The following PCDHA13 variants were observed in gnomAD, a reference collection of about 807,000 sequenced individuals.
The protein encoded by PCDHA13 is protocadherin alpha-13.
In PCDHA13, 54 loss-of-function variants were observed where a neutral mutation model predicts 64.8. The ratio of observed to expected loss-of-function variants is 0.83; its 90% CI spans 0.67 to 1.04. The LOEUF (loss-of-function observed/expected upper bound fraction) is 1.04. Among genes scored for constraint, PCDHA13 ranks in the 50% least tolerant of loss-of-function variants. PCDHA13 has a pLI of 0.00. For missense variants in PCDHA13, 1,248 were observed against 1,254.3 expected, an observed-to-expected ratio of 0.99 and a Z score of 0.08; for synonymous variants, 587 against 564.4, an observed-to-expected ratio of 1.04 and a Z score of -0.57.
chr5:140,912,222 C>G (rs782160814), intron 1 of PCDHA13, among the ~76,000 whole-genome samples: 2 of 151,926 alleles, frequency 1.3e-5, no homozygotes, highest in Non-Finnish European at 2.9e-5. Flanking sequence ...CTGCCTTTCC[C>G]AGTCCACTGA....
At chr5:140,897,458 G>T (rs191522392) in intron 1 of PCDHA13, among the ~76,000 whole-genome samples, 1 of 151,310 alleles carries the variant, frequency 6.6e-6, no homozygotes, top group African/African-American at 2.4e-5. Flanking sequence ...TTGTCCTTGC[G>T]ATAGTTTACT....
chr5:140,910,580 C>T (rs1384259049), intron 1 of PCDHA13, among the ~76,000 whole-genome samples: 1 of 152,162 alleles, frequency 6.6e-6, no homozygotes, highest in Non-Finnish European at 1.5e-5. Flanking sequence ...CTGGATCCTC[C>T]CAGCTGGGAT....
chr5:140,884,559 C>G lies in PCDHA13; in HGVS notation c.2291C>G (p.Pro764Arg). The change falls in exon 1 of 4, where the codon CCG (proline) becomes CGG (arginine). Residue 764 changes from proline to arginine, a missense_variant. Transcript: ENST00000289272. Reference protein sequence around the residue: ...RRPRVCSGEGPHKTDLMAFSP... With the variant: ...RRPRVCSGEGRHKTDLMAFSP... ...CCGAGGGTGTGCTCTGGGGAGGGCC[C>G]GCATAAGACGGACCTCATGGCCTTC... The G allele has an allele frequency of 1.2e-6, 2 of 1,614,094 alleles. No individual in the cohort carries two copies. The highest frequency in any genetic ancestry group is 1.7e-5 in the Admixed American group (1 of 59,984).
intron 1 of PCDHA13, chr5:140,928,017 C>T (rs782665827): frequency 1.2e-6 from 2 of 1,614,064 alleles, no homozygotes; most frequent in East Asian, 4.5e-5. Flanking sequence ...ATGGTAGGGT[C>T]ATTTGTGGCA....
chr5:140,922,158 A>G (rs1318778340), intron 1 of PCDHA13, among the ~76,000 whole-genome samples: 1 of 149,104 alleles, frequency 6.7e-6, no homozygotes, highest in South Asian at 2.2e-4. Flanking sequence ...CATCAAAAAC[A>G]ACAAAAAGTA....
chr5:140,917,585 T>C (rs1204000344), intron 1 of PCDHA13, among the ~76,000 whole-genome samples: 1 of 152,244 alleles, frequency 6.6e-6, no homozygotes, highest in Non-Finnish European at 1.5e-5. Context: ...TTTTTGTTCA[T>C]GCTGAAAGGA....
intron 1 of PCDHA13, among the ~76,000 whole-genome samples, chr5:140,977,021 A>G (rs1249097233): frequency 1.3e-5 from 2 of 152,190 alleles, no homozygotes; most frequent in East Asian, 3.8e-4. Context: ...ATTCTGTCAA[A>G]TGAATCTAAG....
intron 1 of PCDHA13, among the ~76,000 whole-genome samples, chr5:140,940,004 A>AT (rs1326829458): frequency 2.6e-5 from 4 of 152,120 alleles, no homozygotes; most frequent in Admixed American, 1.3e-4. Context: ...GATTTTGTCA[A>AT]TTTTTTGTGT....
At chr5:140,909,866 A>G (rs1203006388) in intron 1 of PCDHA13, among the ~76,000 whole-genome samples, 2 of 152,212 alleles carry the variant, frequency 1.3e-5, no homozygotes, top group African/African-American at 2.4e-5. Context: ...CCTGGAGTCA[A>G]CGTCAGCTTA....
At chr5:140,896,871 TTTATGGG>T (rs1349052738) in intron 1 of PCDHA13, among the ~76,000 whole-genome samples, 1 of 152,200 alleles carries the variant, frequency 6.6e-6, no homozygotes, top group Non-Finnish European at 1.5e-5. Flanking sequence ...AGTGTACATA[TTTATGGG>T]GTATATGAGA....
At chr5:141,007,395 CAAAAA>C (rs35800918) in intron 3 of PCDHA13, among the ~76,000 whole-genome samples, 1 of 94,866 alleles carries the variant, frequency 1.1e-5, no homozygotes, top group Non-Finnish European at 2.1e-5. Flanking sequence ...TACTAAAATA[CAAAAA>C]AAAAAAAAAA....
chr5:140,914,052 G>T (rs1485469381), intron 1 of PCDHA13, among the ~76,000 whole-genome samples: 1 of 152,172 alleles, frequency 6.6e-6, no homozygotes, highest in East Asian at 1.9e-4. Flanking sequence ...TTCTGCAGCT[G>T]TTGGATGAAA....
chr5:140,981,687 ATCAT>A (rs200213847), intron 2 of PCDHA13, among the ~76,000 whole-genome samples: 197 of 152,078 alleles, frequency 1.3e-3, no homozygotes, highest in African/African-American at 4.2e-3. Context: ...CCTCCCTTCC[ATCAT>A]TCATTCATTC....
intron 1 of PCDHA13, among the ~76,000 whole-genome samples, chr5:140,975,986 G>C (rs1554237183): frequency 6.6e-6 from 1 of 152,112 alleles, no homozygotes; most frequent in East Asian, 1.9e-4. Context: ...ATAGTCCTGG[G>C]AGGTACCATC....
intron 1 of PCDHA13, among the ~76,000 whole-genome samples, chr5:140,937,123 C>T (rs1255527159): frequency 1.3e-5 from 2 of 151,390 alleles, no homozygotes; most frequent in Non-Finnish European, 2.9e-5. Context: ...CTGCAAGCTC[C>T]GCCTCCCGGG....
At chr5:140,907,938 T>C (rs2073706734) in intron 1 of PCDHA13, among the ~76,000 whole-genome samples, 1 of 152,206 alleles carries the variant, frequency 6.6e-6, no homozygotes, top group African/African-American at 2.4e-5. Flanking sequence ...TCACATACCT[T>C]TTCCCCAAAT....
intron 1 of PCDHA13, among the ~76,000 whole-genome samples, chr5:140,954,419 T>TG (rs1413660060): frequency 1.3e-5 from 2 of 151,998 alleles, no homozygotes; most frequent in African/African-American, 4.8e-5. Context: ...AAGGTGTTCC[T>TG]TTTTCTCCAT....
intron 1 of PCDHA13, among the ~76,000 whole-genome samples, chr5:140,885,298 G>C (rs1328478663): frequency 6.6e-6 from 1 of 152,040 alleles, no homozygotes; most frequent in East Asian, 1.9e-4. Flanking sequence ...AGAGAGACCT[G>C]GTAGGCTTTT....
intron 1 of PCDHA13, among the ~76,000 whole-genome samples, chr5:140,901,673 A>G (rs964267221): frequency 6.6e-6 from 1 of 152,056 alleles, no homozygotes; most frequent in Admixed American, 6.6e-5. Context: ...AGATACCTTT[A>G]GGTATTATGG....
Sources: allele counts gnomAD v4.1 joint callset (sites outside exome capture counted in the v4.1 genomes callset), GRCh38; gene constraint gnomAD v4.1.1; transcripts MANE v1.5; gene names NCBI Gene and HGNC (gene_info 2026-07-23, HGNC 2026-07-21).